Variants in CDH13 observed in about 807,000 individuals in gnomAD.
The protein encoded by CDH13 is cadherin 13.
Under a neutral mutation model 63.8 loss-of-function variants are expected in CDH13, and 24 were observed. That is an observed-to-expected ratio of 0.38 (90% CI 0.27 to 0.53). The LOEUF (loss-of-function observed/expected upper bound fraction) is 0.53, where lower values mean the gene tolerates loss of function less well. Among genes scored for constraint, CDH13 ranks in the 20% least tolerant of loss-of-function variants. The probability of loss-of-function intolerance (pLI) is 0.85; values close to 1 mark genes in which losing one functional copy is unlikely to be tolerated. For missense variants in CDH13, 1,049 were observed against 903.1 expected (o/e 1.16, Z -2.07); for synonymous variants, 503 against 355.3 (o/e 1.42, Z -4.67).
intron 3 of CDH13, among the ~76,000 whole-genome samples, chr16:83,063,370 T>G (rs2031743090): frequency 6.6e-6 from 1 of 152,186 alleles, no homozygotes; most frequent in South Asian, 2.1e-4. Context: ...CTGTGTTCTG[T>G]TCGTCAAAGC....
intron 7 of CDH13, among the ~76,000 whole-genome samples, chr16:83,571,988 G>A (rs1308882881): frequency 6.6e-6 from 1 of 152,104 alleles, no homozygotes; most frequent in African/African-American, 2.4e-5. Context: ...CCTCAGTTTT[G>A]TCATCTATGA....
intron 2 of CDH13, among the ~76,000 whole-genome samples, chr16:83,020,045 C>T (rs1218128147): frequency 6.6e-6 from 1 of 152,104 alleles, no homozygotes; most frequent in Non-Finnish European, 1.5e-5. Context: ...TGACAGCTAC[C>T]TCACTAGGCA....
chr16:83,669,289 C>A (rs976380588), intron 8 of CDH13, among the ~76,000 whole-genome samples: 7 of 152,100 alleles, frequency 4.6e-5, no homozygotes, highest in African/African-American at 1.4e-4. Context: ...GCGCTTTAAC[C>A]CTGGGGAATC....
chr16:83,289,105 G>T (rs1376368393), intron 5 of CDH13, among the ~76,000 whole-genome samples: 2 of 152,194 alleles, frequency 1.3e-5, no homozygotes, highest in Non-Finnish European at 2.9e-5. Context: ...ATGGGCTATT[G>T]CTTGCTCCTG....
intron 5 of CDH13, among the ~76,000 whole-genome samples, chr16:83,290,144 C>T (rs966102055): frequency 6.6e-6 from 1 of 152,154 alleles, no homozygotes; most frequent in South Asian, 2.1e-4. Context: ...TGTTGCATAT[C>T]GTTTGTTCAT....
At chr16:83,191,512 C>T (rs1294705830) in intron 4 of CDH13, among the ~76,000 whole-genome samples, 937 of 88,440 alleles carry the variant, frequency 0.011, 10 homozygotes, top group African/African-American at 0.026. Context: ...TATACACACA[C>T]ACACACACAC....
intron 1 of CDH13, among the ~76,000 whole-genome samples, chr16:82,631,873 T>C (rs1006610280): frequency 2.6e-5 from 4 of 152,128 alleles, no homozygotes; most frequent in African/African-American, 9.7e-5. Flanking sequence ...GCTTAGCAAG[T>C]TGAACCTCGA....
At chr16:83,330,422 C>G (rs76039044) in intron 5 of CDH13, among the ~76,000 whole-genome samples, 1 of 152,126 alleles carries the variant, frequency 6.6e-6, no homozygotes, top group Non-Finnish European at 1.5e-5. Flanking sequence ...GAAAGGTTGC[C>G]CTTGAGGTTA....
In CDH13 at chr16:83,579,590, G is replaced by C. The variant is rs114237962; in HGVS notation, c.961-22864G>C. 4.4e-3 allele frequency among the ~76,000 whole-genome samples: 676 copies of C among 152,104 alleles called. 4 individuals carry two copies. Among genetic ancestry groups the C allele is most frequent in the African/African-American group, 0.016 (646 of 41,486 alleles). On this transcript the variant is annotated intron_variant, in intron 7 of 13. Transcript: ENST00000567109. ...CCTTGATCCAGTCACCTCCCACCAG[G>C]TTCCTCCTCCCACATTGGGGATTAC...
At chr16:83,543,725 C>G (rs9940786) in intron 7 of CDH13, among the ~76,000 whole-genome samples, 33,778 of 152,082 alleles carry the variant, frequency 0.22, 3,815 homozygotes, top group Admixed American at 0.28. Flanking sequence ...CTGGGACCAG[C>G]GGGTATGCTG....
At chr16:83,571,397 A>G (rs1364191428) in intron 7 of CDH13, among the ~76,000 whole-genome samples, 3 of 152,116 alleles carry the variant, frequency 2.0e-5, no homozygotes, top group Admixed American at 6.5e-5. Flanking sequence ...CCAAGTTTTT[A>G]CTTCTTTAAA....
At chr16:83,086,124 T>C (rs2033581144) in intron 3 of CDH13, among the ~76,000 whole-genome samples, 1 of 152,218 alleles carries the variant, frequency 6.6e-6, no homozygotes, top group South Asian at 2.1e-4. Context: ...AAATGGTTAA[T>C]GAAATACCAA....
chr16:83,583,720 CAACATGGTGA>C (rs1469151269), intron 7 of CDH13, among the ~76,000 whole-genome samples: 1 of 149,206 alleles, frequency 6.7e-6, no homozygotes, highest in Non-Finnish European at 1.5e-5. Flanking sequence ...CCAGCCTCGT[CAACATGGTGA>C]AACTCCATCT....
At chr16:82,689,948 C>T (rs923149947) in intron 1 of CDH13, among the ~76,000 whole-genome samples, 4 of 127,250 alleles carry the variant, frequency 3.1e-5, no homozygotes, top group South Asian at 2.5e-4. Context: ...AGTTCGACAC[C>T]AGCCTGACCA....
chr16:83,743,644 G>T (rs547562430), intron 10 of CDH13, among the ~76,000 whole-genome samples: 1 of 151,328 alleles, frequency 6.6e-6, no homozygotes, highest in African/African-American at 2.4e-5. Context: ...AATAGAATGC[G>T]GTTCATTTAA....
At chr16:83,170,495 C>A (rs533936697) in intron 4 of CDH13, among the ~76,000 whole-genome samples, 6 of 152,244 alleles carry the variant, frequency 3.9e-5, no homozygotes, top group African/African-American at 1.4e-4. Context: ...GTGAGAAACT[C>A]ACCAATACAA....
intron 3 of CDH13, among the ~76,000 whole-genome samples, chr16:83,050,444 G>T (rs2030183462): frequency 6.6e-6 from 1 of 152,050 alleles, no homozygotes; most frequent in Non-Finnish European, 1.5e-5. Context: ...TCTTCCGTTT[G>T]CTGTTTAAGA....
chr16:83,178,841 T>G (rs944907104), intron 4 of CDH13, among the ~76,000 whole-genome samples: 2 of 152,160 alleles, frequency 1.3e-5, no homozygotes, highest in Admixed American at 6.5e-5. Context: ...GATGCACAAA[T>G]AGCCTGGCCT....
intron 8 of CDH13, among the ~76,000 whole-genome samples, chr16:83,628,019 T>A (rs1189331368): frequency 6.6e-6 from 1 of 151,982 alleles, no homozygotes; most frequent in Non-Finnish European, 1.5e-5. Context: ...CTGGTGGGAG[T>A]GTAGCAGTGA....
Sources: gnomAD v4.1 joint callset for allele counts (sites outside exome capture counted in the v4.1 genomes callset) on GRCh38, gnomAD v4.1.1 for gene constraint, MANE v1.5 for transcripts, NCBI Gene and HGNC (gene_info 2026-07-23, HGNC 2026-07-21) for gene names.